The following DAW1 variants were observed in gnomAD, a reference collection of about 807,000 sequenced individuals.
DAW1 encodes the protein dynein assembly factor with WD repeats 1, also known as dynein assembly factor with WD repeat domains 1.
DAW1 carries 47 observed loss-of-function variants against 56.5 expected under a neutral mutation model. That is an observed-to-expected ratio of 0.83 (90% CI 0.66 to 1.06). The LOEUF is 1.06. DAW1 is among the 50% of genes least tolerant of loss of function. The probability of loss-of-function intolerance (pLI) is 0.00; values close to 1 mark genes in which losing one functional copy is unlikely to be tolerated. For synonymous variants in DAW1, 190 were observed against 179.0 expected (o/e 1.06, Z -0.49); for missense variants, 505 against 499.3 (o/e 1.01, Z -0.11).
intron 10 of DAW1, among the ~76,000 whole-genome samples, chr2:227,918,171 TCATCCATC>T (rs60074089): frequency 0.034 from 4,167 of 124,142 alleles, 77 homozygotes; most frequent in South Asian, 0.054. Context: ...CATCCATCCA[TCATCCATC>T]CATCCATCCA....
At chr2:227,894,101 T>G (rs542899515) in intron 5 of DAW1, among the ~76,000 whole-genome samples, 184 bp downstream of exon 5, 35 of 152,180 alleles carry the variant, frequency 2.3e-4, no homozygotes, top group African/African-American at 7.5e-4. Context: ...ACTATCCGCA[T>G]ATAGAATACA....
intron 10 of DAW1, among the ~76,000 whole-genome samples, chr2:227,917,552 G>A (rs888767412): frequency 6.8e-6 from 1 of 146,814 alleles, no homozygotes; most frequent in Admixed American, 6.8e-5. Flanking sequence ...GAGCCACTGC[G>A]CCCAGCCGAT....
chr2:227,871,701 G>C lies in DAW1; in HGVS notation c.12G>C (p.Lys4Asn), dbSNP rs747984836. Residue 4 changes from lysine (K) to asparagine (N), a missense_variant, in exon 1 of 13, where the codon AAG (lysine) becomes AAC (asparagine). Coordinates refer to ENST00000309931, the MANE Select transcript of DAW1 (RefSeq NM_178821.3). ...AAGAGAGCAAGAAAATGAAGCTCAA[G>C]AGCCTCCTGCTCCGGTATTACCCGC... Reference protein sequence around the residue: MKLKSLLLRYYPPG... With the variant: MKLNSLLLRYYPPG... The C allele has an allele frequency of 5.6e-6, 9 of 1,613,900 alleles. No individual in the cohort carries two copies. In the East Asian group the frequency reaches 1.8e-4, roughly 32 times the overall value.
chr2:227,883,115 G>T (rs1316494436), intron 1 of DAW1, among the ~76,000 whole-genome samples: 3 of 152,140 alleles, frequency 2.0e-5, no homozygotes, highest in African/African-American at 2.4e-5. Flanking sequence ...ATGGTTTTCA[G>T]ACTCAGACAT....
At chr2:227,893,605 G>A (rs1383232723) in intron 4 of DAW1, among the ~76,000 whole-genome samples, 190 bp from the exon 5 acceptor site, 1 of 152,032 alleles carries the variant, frequency 6.6e-6, no homozygotes, top group Non-Finnish European at 1.5e-5. Flanking sequence ...CTGTGAGGTA[G>A]AGGTTGCAGT....
chr2:227,885,303 T>C (rs1691097323), intron 1 of DAW1, 48 bp from the exon 2 acceptor site: 6 of 1,322,010 alleles, frequency 4.5e-6, no homozygotes, highest in Non-Finnish European at 6.2e-6. Context: ...ACTTTTGACA[T>C]AGGTGGTTAT....
At chr2:227,895,507 G>A (rs2106198371) in intron 5 of DAW1, 1 of 152,386 alleles carries the variant, frequency 6.6e-6, no homozygotes, top group East Asian at 1.9e-4. Context: ...AGAGTCTTTG[G>A]AGATGGTGTG....
chr2:227,914,488 A>G (rs1691905582), intron 10 of DAW1, among the ~76,000 whole-genome samples: 1 of 152,094 alleles, frequency 6.6e-6, no homozygotes, highest in Non-Finnish European at 1.5e-5. Context: ...GAGCCATCAT[A>G]TTGATATCCA....
chr2:227,880,294 C>T (rs1199392606), intron 1 of DAW1, among the ~76,000 whole-genome samples: 1 of 151,342 alleles, frequency 6.6e-6, no homozygotes, highest in African/African-American at 2.4e-5. Context: ...TTTTTTATAG[C>T]ATGTGGCATA....
intron 7 of DAW1, 38 bp from the exon 8 acceptor site, chr2:227,904,891 T>C: frequency 6.4e-7 from 1 of 1,554,714 alleles, no homozygotes; most frequent in Non-Finnish European, 8.8e-7. Flanking sequence ...AATTGTTTTA[T>C]CTGCAGGTAT....
rs140310083 is a variant in DAW1 at position 227,893,473 on chromosome 2, C to T, written c.318-322C>T. On this transcript the variant is annotated intron_variant, in intron 4 of 12. Transcript: ENST00000309931. ...TTAAGGTCAGTAGTTCAAGACCAGT[C>T]TGGCCAACATGGTGAAACCCCATCT... Among the ~76,000 whole-genome samples, 1,005 of 152,072 alleles carry T rather than the reference C, an allele frequency of 6.6e-3. 13 individuals carry two copies. The highest frequency in any genetic ancestry group is 0.024 in the African/African-American group (976 of 41,482).
intron 3 of DAW1, 148 bp downstream of exon 3, chr2:227,890,148 C>T: frequency 1.3e-6 from 1 of 779,578 alleles, no homozygotes; most frequent in Non-Finnish European, 1.9e-6. Flanking sequence ...TAAGATTGTC[C>T]CAATAATTAT....
intron 10 of DAW1, among the ~76,000 whole-genome samples, chr2:227,911,267 C>T (rs10175596): frequency 0.75 from 98,530 of 132,102 alleles, 40,850 homozygotes; most frequent in East Asian, 0.88. Context: ...CGTGTATATA[C>T]ACATATACAC....
intron 1 of DAW1, among the ~76,000 whole-genome samples, chr2:227,883,975 A>G (rs1691067265): frequency 6.6e-6 from 1 of 152,140 alleles, no homozygotes; most frequent in African/African-American, 2.4e-5. Flanking sequence ...TCCTGAAGCC[A>G]AATTTTTGAG....
chr2:227,907,536 C>A (rs1179184576), intron 10 of DAW1, among the ~76,000 whole-genome samples: 1 of 152,056 alleles, frequency 6.6e-6, no homozygotes, highest in Non-Finnish European at 1.5e-5. Flanking sequence ...TCTGGGTCAT[C>A]TCCCTGATTT....
intron 6 of DAW1, among the ~76,000 whole-genome samples, chr2:227,900,741 C>T (rs1380240722): frequency 1.3e-5 from 2 of 152,182 alleles, no homozygotes; most frequent in Admixed American, 6.5e-5. Flanking sequence ...GTGGCATGTG[C>T]AGAATATGTG....
chr2:227,880,465 T>C (rs913655733), intron 1 of DAW1, among the ~76,000 whole-genome samples: 2 of 152,132 alleles, frequency 1.3e-5, no homozygotes, highest in African/African-American at 4.8e-5. Flanking sequence ...AGTTTGCTTT[T>C]GATCCTAGAG....
chr2:227,897,483 G>T (rs1691437544), intron 5 of DAW1, among the ~76,000 whole-genome samples: 2 of 152,178 alleles, frequency 1.3e-5, no homozygotes, highest in South Asian at 2.1e-4. Context: ...ATCCAATTGG[G>T]TGAACATCTT....
intron 5 of DAW1, among the ~76,000 whole-genome samples, chr2:227,897,606 C>T (rs1410809084): frequency 1.3e-5 from 2 of 152,168 alleles, no homozygotes; most frequent in African/African-American, 4.8e-5. Context: ...TTGATGTTAG[C>T]TCTGCCCCGC....
Sources: gnomAD v4.1 joint callset for allele counts (sites outside exome capture counted in the v4.1 genomes callset) on GRCh38, gnomAD v4.1.1 for gene constraint, MANE v1.5 for transcripts, NCBI Gene and HGNC (gene_info 2026-07-23, HGNC 2026-07-21) for gene names.